The following JDP2 variants were observed in gnomAD, a reference collection of about 807,000 sequenced individuals.
The protein encoded by JDP2 is progesterone receptor co-activator.
JDP2 carries 9 observed loss-of-function variants against 17.1 expected under a neutral mutation model. That is an observed-to-expected ratio of 0.53 (90% CI 0.32 to 0.92). JDP2 has a LOEUF of 0.92. Among genes scored for constraint, JDP2 ranks in the 40% least tolerant of loss-of-function variants. The pLI is 0.04. For synonymous variants in JDP2, 107 were observed against 95.6 expected (o/e 1.12, Z -0.69); for missense variants, 179 against 220.0 (o/e 0.81, Z 1.18).
chr14:75,443,052 A>C (rs1374236669), intron 2 of JDP2, among the ~76,000 whole-genome samples: 1 of 152,074 alleles, frequency 6.6e-6, no homozygotes, highest in Non-Finnish European at 1.5e-5. Flanking sequence ...TGTGGATTTC[A>C]CATTGGCGAT....
At chr14:75,448,711 G>C (rs989858903) in intron 2 of JDP2, among the ~76,000 whole-genome samples, 1 of 152,154 alleles carries the variant, frequency 6.6e-6, no homozygotes, top group Non-Finnish European at 1.5e-5. Context: ...TTACGCTGCC[G>C]AGCTTGTCAA....
rs1044217723 is a variant in JDP2, at chr14:75,471,871, A to G, written c.*2396A>G. The G allele has an allele frequency of 3.3e-5, 5 of 152,310 alleles. No homozygotes were observed. Among genetic ancestry groups the G allele is most frequent in the African/African-American group, 1.2e-4 (5 of 41,352 alleles). The allele number at this position is 152,310 out of a possible 1,614,324, so 9.4% of individuals were successfully genotyped here. A position where few individuals can be genotyped will look rare whatever the true frequency, so the allele number is the denominator to read the frequency against. Reference sequence around the variant, plus strand: ...GTAATCCTTTGATATTTTTCAAGCCATGAGAAAAATGAAGTGGACTTACCA... The same window carrying G: ...GTAATCCTTTGATATTTTTCAAGCCGTGAGAAAAATGAAGTGGACTTACCA... On this transcript the variant is annotated 3_prime_UTR_variant, in exon 4 of 4. Transcript: ENST00000651602.
chr14:75,471,414 A>C lies in JDP2; in HGVS notation c.*1939A>C, dbSNP rs1886808231. 6.6e-6 allele frequency: 1 copy of C among 152,220 alleles called. No individual in the cohort carries two copies. The highest frequency in any genetic ancestry group is 6.5e-5 in the Admixed American group (1 of 15,286). 9.4% of individuals were successfully genotyped at this position (152,220 alleles called of 1,614,324 possible). Reference sequence around the variant, plus strand: ...AGAGGTGTTTTTAGCTTCCTTGTATACTGAAGCTTGCAAAGGCTACAGTTT... The same window carrying C: ...AGAGGTGTTTTTAGCTTCCTTGTATCCTGAAGCTTGCAAAGGCTACAGTTT... On this transcript the variant is annotated 3_prime_UTR_variant, in exon 4 of 4. Transcript: ENST00000651602.
intron 1 of JDP2, among the ~76,000 whole-genome samples, chr14:75,434,168 C>T (rs1336909725): frequency 6.6e-6 from 1 of 152,158 alleles, no homozygotes; most frequent in Admixed American, 6.5e-5. Context: ...TTTTATAGAT[C>T]CCTAAATCAC....
In JDP2 at chr14:75,469,343, G is replaced by A. The variant is rs368462172; in HGVS notation, c.360G>A (p.Glu120=). ...CAGAGCTGAAGACCCAGATTGAGGAGCTGAAGCAGGAGCGGCAGCAGCTCA... is the reference window on the plus strand; with the variant it reads ...CAGAGCTGAAGACCCAGATTGAGGAACTGAAGCAGGAGCGGCAGCAGCTCA... The part of the protein sequence containing the change: ...MNAELKTQIE[E]LKQERQQLIL... The change falls in exon 4 of 4, where the codon GAG becomes GAA. Residue 120 remains glutamate (E), a synonymous_variant. Coordinates refer to ENST00000651602, the MANE Select transcript of JDP2 (RefSeq NM_001135048.2). 1.2e-6 allele frequency: 2 copies of A among 1,614,194 alleles called. No individual in the cohort carries two copies. The highest frequency in any genetic ancestry group is 1.7e-6 in the Non-Finnish European group (2 of 1,180,034).
At chr14:75,441,338 AT>A (rs776617055) in intron 2 of JDP2, among the ~76,000 whole-genome samples, 4 of 152,228 alleles carry the variant, frequency 2.6e-5, no homozygotes, top group Non-Finnish European at 5.9e-5. Context: ...CTTTGTGCTG[AT>A]GTCATTATTA....
intron 3 of JDP2, among the ~76,000 whole-genome samples, chr14:75,464,540 C>T (rs1197799152): frequency 6.6e-6 from 1 of 152,194 alleles, no homozygotes; most frequent in East Asian, 1.9e-4. Context: ...TAGGTGATAT[C>T]CAAATAACAC....
At position 75,459,642 on chromosome 14, in the gene JDP2, C is replaced by T. The variant is rs183436095; in HGVS notation, c.202-1784C>T. ...AGCCCTTTGGGCTGAGACCTTGTTC[C>T]AGGCCTTGGGCTGCCAGAGTCACCC... On this transcript the variant is annotated intron_variant, in intron 2 of 3. Transcript: ENST00000651602. Among the ~76,000 whole-genome samples the T allele has an allele frequency of 5.3e-4, 81 of 152,358 alleles. No individual in the cohort carries two copies. The East Asian group carries it at 0.014, about 27-fold the overall frequency.
At chr14:75,465,649 C>T (rs61978938) in intron 3 of JDP2, among the ~76,000 whole-genome samples, 7,848 of 152,192 alleles carry the variant, frequency 0.052, 321 homozygotes, top group Admixed American at 0.099. Context: ...AATCTTAATG[C>T]TTAAAGTCCC....
chr14:75,439,087 C>T (rs193170011), intron 2 of JDP2, among the ~76,000 whole-genome samples: 2 of 152,124 alleles, frequency 1.3e-5, no homozygotes, highest in Admixed American at 6.5e-5. Context: ...AAAGATGAGC[C>T]TGGGGGGAGC....
chr14:75,437,962 C>T lies in JDP2; in HGVS notation c.42C>T (p.Gly14=). ...TCCCGGACCCTTCGGTGACCACAGGCTCCCTGCCAGGGCTTGGCCCCCTGA... is the reference window on the plus strand; with the variant it reads ...TCCCGGACCCTTCGGTGACCACAGGTTCCCTGCCAGGGCTTGGCCCCCTGA... ...GQIPDPSVTT[G]SLPGLGPLTG... The change falls in exon 2 of 4, where the codon GGC becomes GGT. Residue 14 remains glycine, a synonymous_variant. Transcript: ENST00000651602. The T allele has an allele frequency of 3.7e-6, 6 of 1,613,310 alleles. No individual in the cohort carries two copies. The highest frequency in any genetic ancestry group is 5.1e-6 in the Non-Finnish European group (6 of 1,179,726).
chr14:75,433,452 C>T (rs565962213), intron 1 of JDP2, among the ~76,000 whole-genome samples: 1 of 150,234 alleles, frequency 6.7e-6, no homozygotes, highest in Non-Finnish European at 1.5e-5. Context: ...CTAGACTTGA[C>T]ATGTTTTGTG....
intron 1 of JDP2, among the ~76,000 whole-genome samples, chr14:75,431,372 A>G (rs1026149895): frequency 6.6e-6 from 1 of 152,168 alleles, no homozygotes; most frequent in African/African-American, 2.4e-5. Context: ...TATGGCTGGG[A>G]TGGCTGTGCA....
chr14:75,445,451 T>G, intron 2 of JDP2: 1 of 985,434 alleles, frequency 1.0e-6, no homozygotes, highest in Non-Finnish European at 1.2e-6. Flanking sequence ...CTCCGTGGTT[T>G]GCCTCTGTAG....
chr14:75,442,423 C>T (rs999373964), intron 2 of JDP2, among the ~76,000 whole-genome samples: 1 of 152,170 alleles, frequency 6.6e-6, no homozygotes, highest in Non-Finnish European at 1.5e-5. Context: ...GTCTTACCCC[C>T]AGCCCGCTTC....
intron 2 of JDP2, among the ~76,000 whole-genome samples, chr14:75,442,001 T>C (rs894565000): frequency 6.6e-6 from 1 of 151,336 alleles, no homozygotes; most frequent in Non-Finnish European, 1.5e-5. Context: ...CACTTACTAA[T>C]CAACCTGCTA....
rs1031151141 is a variant in JDP2, at chr14:75,443,565, TA to T, written c.201+5455del. Among the ~76,000 whole-genome samples, 546 of 148,864 alleles carry T rather than the reference TA, an allele frequency of 3.7e-3. 1 individual carries two copies. Among genetic ancestry groups the T allele is most frequent in the South Asian group, 5.5e-3 (26 of 4,720 alleles). ...AGCACATTTTCGAAAGCTGTTAGCT[TA>T]AAAAAAAAAATTAAATTTGAGGGAG... is the stretch of plus-strand genomic sequence containing the variant. On this transcript the variant is annotated intron_variant, in intron 2 of 3. Transcript: ENST00000651602.
chr14:75,450,173 C>T (rs1566742027), intron 2 of JDP2, among the ~76,000 whole-genome samples: 1 of 152,142 alleles, frequency 6.6e-6, no homozygotes, highest in Non-Finnish European at 1.5e-5. Flanking sequence ...TGGAAGGATC[C>T]ACCTGTGGGC....
intron 2 of JDP2, among the ~76,000 whole-genome samples, chr14:75,447,446 C>G (rs1033063739): frequency 2.0e-5 from 3 of 147,928 alleles, no homozygotes; most frequent in African/African-American, 7.5e-5. Flanking sequence ...ATAATTTTAT[C>G]TATTATTAAA....
Sources: allele counts gnomAD v4.1 joint callset (sites outside exome capture counted in the v4.1 genomes callset), GRCh38; gene constraint gnomAD v4.1.1; transcripts MANE v1.5; gene names NCBI Gene and HGNC (gene_info 2026-07-23, HGNC 2026-07-21).